The following NCALD variants were observed in gnomAD, a reference collection of about 807,000 sequenced individuals.
The protein encoded by NCALD is neurocalcin-delta.
Under a neutral mutation model 18.6 loss-of-function variants are expected in NCALD, and 10 were observed. The observed-to-expected ratio is 0.54, with a 90% CI of 0.33 to 0.91. The LOEUF is 0.91. NCALD is among the 40% of genes least tolerant of loss of function. The pLI is 0.03. For missense variants in NCALD, 184 were observed against 247.6 expected, an observed-to-expected ratio of 0.74 and a Z score of 1.72; for synonymous variants, 88 against 87.4, an observed-to-expected ratio of 1.01 and a Z score of -0.04.
intron 1 of NCALD, among the ~76,000 whole-genome samples, chr8:101,736,983 G>A (rs1809951067): frequency 6.6e-6 from 1 of 152,116 alleles, no homozygotes; most frequent in African/African-American, 2.4e-5. Context: ...TTGTTTTATT[G>A]CTGTGTTTAA....
chr8:101,694,919 A>G (rs572813159), intron 2 of NCALD, among the ~76,000 whole-genome samples: 1 of 152,318 alleles, frequency 6.6e-6, no homozygotes, highest in African/African-American at 2.4e-5. Flanking sequence ...TAGTAACAGT[A>G]GACAGCAGGT....
chr8:101,783,898 A>G (rs961423942), intron 1 of NCALD, among the ~76,000 whole-genome samples: 1 of 152,228 alleles, frequency 6.6e-6, no homozygotes, highest in Non-Finnish European at 1.5e-5. Flanking sequence ...AGGTTAGGTT[A>G]GGCCAAATCA....
chr8:101,948,311 G>A (rs751522348), intron 2 of NCALD, among the ~76,000 whole-genome samples: 4 of 152,228 alleles, frequency 2.6e-5, no homozygotes, highest in Non-Finnish European at 4.4e-5. Context: ...ATGGATATAG[G>A]AGGTGAAGAA....
At chr8:101,719,136 T>C (rs10108888) in intron 2 of NCALD, 116 bp downstream of exon 2, 1 of 1,247,314 alleles carries the variant, frequency 8.0e-7, no homozygotes, top group Non-Finnish European at 1.1e-6. Flanking sequence ...GTGGGCCAAA[T>C]GAAGTGTCCT....
chr8:101,948,581 G>C (rs536681758), intron 2 of NCALD, among the ~76,000 whole-genome samples: 3 of 152,310 alleles, frequency 2.0e-5, no homozygotes, highest in Admixed American at 6.5e-5. Context: ...TAAAACCATG[G>C]ATAAGTAGCA....
At chr8:101,957,289 G>GTTTTTTTTT (rs11305701) in intron 2 of NCALD, among the ~76,000 whole-genome samples, 28 of 99,496 alleles carry the variant, frequency 2.8e-4, no homozygotes, top group African/African-American at 1.1e-3. Flanking sequence ...AAAAGTTGGG[G>GTTTTTTTTT]TTTTTTTTTT....
upstream of NCALD, among the ~76,000 whole-genome samples, chr8:101,792,743 G>A (rs1812490981): frequency 6.6e-6 from 1 of 152,180 alleles, no homozygotes; most frequent in African/African-American, 2.4e-5. Context: ...CGTTCTCTGA[G>A]CTGCTTAATT....
At chr8:101,985,551 A>T (rs1309918276) in intron 2 of NCALD, among the ~76,000 whole-genome samples, 4 of 152,218 alleles carry the variant, frequency 2.6e-5, no homozygotes, top group Non-Finnish European at 5.9e-5. Context: ...TTATATTTTT[A>T]AAAACTGTGA....
intron 4 of NCALD, among the ~76,000 whole-genome samples, chr8:101,883,847 G>C (rs1236769833): frequency 6.6e-6 from 1 of 152,184 alleles, no homozygotes; most frequent in Non-Finnish European, 1.5e-5. Flanking sequence ...AGATCCATGG[G>C]AACAGGGATT....
At chr8:101,877,315 T>G (rs1816267339) in intron 4 of NCALD, among the ~76,000 whole-genome samples, 1 of 152,184 alleles carries the variant, frequency 6.6e-6, no homozygotes, top group African/African-American at 2.4e-5. Flanking sequence ...TTGCTTAGGG[T>G]GAGCTGCTAA....
rs183535826 is a variant in NCALD at position 101,964,387 on chromosome 8, T to C, written c.-156-48529A>G. Among the ~76,000 whole-genome samples, 34 of 152,304 alleles carry C rather than the reference T, an allele frequency of 2.2e-4. No individual in the cohort carries two copies. In the East Asian group the frequency reaches 5.8e-3, roughly 26 times the overall value. On this transcript the variant is annotated intron_variant, in intron 2 of 6. Transcript: ENST00000311028. The stretch of plus-strand genomic sequence containing the variant: ...TTTCATTGGTGTAATCCAACAGAAA[T>C]TTTTATTTCTCCCTTGCATAGATTC...
intron 1 of NCALD, among the ~76,000 whole-genome samples, chr8:102,041,975 C>T (rs1823065358): frequency 6.6e-6 from 1 of 151,980 alleles, no homozygotes; most frequent in Non-Finnish European, 1.5e-5. Context: ...AGAGCATTAC[C>T]TATTGGGTAG....
chr8:101,826,516 C>T (rs1689274346), intron 4 of NCALD, among the ~76,000 whole-genome samples: 1 of 152,180 alleles, frequency 6.6e-6, no homozygotes, highest in African/African-American at 2.4e-5. Context: ...GTAAACTCAT[C>T]TGCTACATGT....
intron 3 of NCALD, among the ~76,000 whole-genome samples, chr8:101,889,528 T>C (rs1311361803): frequency 1.3e-5 from 2 of 152,248 alleles, no homozygotes; most frequent in African/African-American, 2.4e-5. Flanking sequence ...ATGCTTTTTT[T>C]CTCAACAAAT....
At chr8:101,852,952 A>G (rs1285657268) in intron 4 of NCALD, among the ~76,000 whole-genome samples, 1 of 152,182 alleles carries the variant, frequency 6.6e-6, no homozygotes, top group Admixed American at 6.5e-5. Context: ...AGGCCAGTCG[A>G]CATCCTCTGA....
chr8:101,692,942 C>T, intron 2 of NCALD, 46 bp from the exon 3 acceptor site: 6 of 1,379,070 alleles, frequency 4.4e-6, no homozygotes, highest in Non-Finnish European at 6.2e-6. Context: ...AACAGTATGG[C>T]ACACAATAGA....
chr8:101,948,335 G>A (rs1433417182), intron 2 of NCALD, among the ~76,000 whole-genome samples: 1 of 152,188 alleles, frequency 6.6e-6, no homozygotes, highest in East Asian at 1.9e-4. Context: ...GGAGACCCAA[G>A]GATGATCTCA....
At chr8:101,825,628 G>A (rs1813903327) in intron 4 of NCALD, among the ~76,000 whole-genome samples, 2 of 152,208 alleles carry the variant, frequency 1.3e-5, no homozygotes, top group Non-Finnish European at 2.9e-5. Context: ...AGGATATCCT[G>A]TGGCAGTAAT....
intron 2 of NCALD, among the ~76,000 whole-genome samples, chr8:101,932,054 G>A (rs530115650): frequency 6.6e-6 from 1 of 152,238 alleles, no homozygotes; most frequent in Admixed American, 6.5e-5. Flanking sequence ...CCCTCACCTT[G>A]AGCTCCCTAA....
Sources: gnomAD v4.1 joint callset for allele counts (sites outside exome capture counted in the v4.1 genomes callset) on GRCh38, gnomAD v4.1.1 for gene constraint, MANE v1.5 for transcripts, NCBI Gene and HGNC (gene_info 2026-07-23, HGNC 2026-07-21) for gene names.